The following UNC80 variants were observed in gnomAD, a reference collection of about 807,000 sequenced individuals.
UNC80 encodes protein unc-80 homolog.
Under a neutral mutation model 384.6 loss-of-function variants are expected in UNC80, and 164 were observed. The observed-to-expected ratio is 0.43, with a 90% CI of 0.38 to 0.49. The LOEUF (loss-of-function observed/expected upper bound fraction) is 0.49, where lower values mean the gene tolerates loss of function less well. Ranked by LOEUF, UNC80 falls within the 20% of genes least tolerant of loss-of-function variation. The pLI is 0.00. For synonymous variants in UNC80, 1,486 were observed against 1,527.8 expected (o/e 0.97, Z 0.64); for missense variants, 3,330 against 4,143.0 (o/e 0.80, Z 5.39).
intron 15 of UNC80, among the ~76,000 whole-genome samples, chr2:209,830,333 T>C (rs761468880): frequency 3.3e-5 from 5 of 152,184 alleles, no homozygotes; most frequent in Non-Finnish European, 5.9e-5. Context: ...CCAAACACAA[T>C]ATAAATTAAA....
chr2:209,937,526 C>T lies in UNC80; in HGVS notation c.6364-3C>T. On this transcript the variant is annotated splice_polypyrimidine_tract_variant and splice_region_variant and intron_variant, in intron 41 of 64. Transcript: ENST00000673920. ...TTTTTGTCTCTTTATGTAATCCACA[C>T]AGACCTATGTTCGAGATATTTATCC... 1 of 1,546,158 alleles carries T rather than the reference C, an allele frequency of 6.5e-7. No homozygotes were observed.
At chr2:209,789,408 A>G (rs1252504331) in intron 5 of UNC80, 124 bp from the exon 6 acceptor site, 1 of 672,066 alleles carries the variant, frequency 1.5e-6, no homozygotes, top group South Asian at 2.0e-5. Flanking sequence ...ATATGCGTTA[A>G]TGTCTTCTTT....
chr2:209,912,143 A>G (rs1209936082), intron 29 of UNC80, among the ~76,000 whole-genome samples: 2 of 152,180 alleles, frequency 1.3e-5, no homozygotes, highest in African/African-American at 2.4e-5. Flanking sequence ...TGAAGGGACT[A>G]TTGGATAGAG....
intron 7 of UNC80, among the ~76,000 whole-genome samples, chr2:209,801,860 A>T (rs2078583753): frequency 6.6e-6 from 1 of 152,108 alleles, no homozygotes; most frequent in African/African-American, 2.4e-5. Flanking sequence ...TAACCAAAAT[A>T]CTACTATCTT....
At chr2:209,842,491 C>G (rs974246873) in intron 21 of UNC80, 45 bp downstream of exon 21, 18 of 1,386,902 alleles carry the variant, frequency 1.3e-5, no homozygotes, top group Middle Eastern at 1.8e-4. Context: ...TTTTATCACA[C>G]AGAACAAAAA....
intron 13 of UNC80, among the ~76,000 whole-genome samples, chr2:209,825,586 T>G (rs2080454585): frequency 6.6e-6 from 1 of 152,198 alleles, no homozygotes; most frequent in Non-Finnish European, 1.5e-5. Context: ...TCATCACTGA[T>G]AGTCTGCACT....
At chr2:209,901,343 T>C (rs1167332850) in intron 28 of UNC80, among the ~76,000 whole-genome samples, 6 of 152,150 alleles carry the variant, frequency 3.9e-5, no homozygotes, top group African/African-American at 9.7e-5. Flanking sequence ...AATTTACTCT[T>C]CCTGAGCTCT....
chr2:209,972,329 G>T lies in UNC80; in HGVS notation c.8380+5G>T. ...CAGTAGGATCTGGAAGCAAAGGTCT[G>T]ATTAATTTAACTAAAGGAAATTTAT... On this transcript the variant is annotated splice_donor_5th_base_variant and intron_variant, in intron 55 of 64. Transcript: ENST00000673920. The T allele has an allele frequency of 6.5e-7, 1 of 1,549,206 alleles. No individual in the cohort carries two copies. The highest frequency in any genetic ancestry group is 1.2e-5 in the South Asian group (1 of 83,240).
intron 7 of UNC80, among the ~76,000 whole-genome samples, chr2:209,811,729 A>G (rs1464135019): frequency 6.6e-6 from 1 of 152,212 alleles, no homozygotes; most frequent in Non-Finnish European, 1.5e-5. Context: ...CAAAATATTC[A>G]AGAATATTAG....
intron 7 of UNC80, among the ~76,000 whole-genome samples, chr2:209,802,408 A>G (rs187311256): frequency 6.6e-6 from 1 of 152,340 alleles, no homozygotes; most frequent in East Asian, 1.9e-4. Context: ...ATCACATTGT[A>G]CTTCATAAAT....
chr2:209,931,611 G>T (rs1273182034), intron 38 of UNC80, among the ~76,000 whole-genome samples: 1 of 152,102 alleles, frequency 6.6e-6, no homozygotes, highest in Non-Finnish European at 1.5e-5. Flanking sequence ...CCTTGAAACT[G>T]CCCCTTAATC....
Position 209,827,124 on chromosome 2 carries a change from C to T in UNC80, c.2478+1071C>T, listed in dbSNP as rs544456651. Reference sequence around the variant, plus strand: ...AATTTTGAAACTTGAAACTTTTGACCAAGATCTAGATTTTGAGGCCAAAAT... The same window carrying T: ...AATTTTGAAACTTGAAACTTTTGACTAAGATCTAGATTTTGAGGCCAAAAT... On this transcript the variant is annotated intron_variant, in intron 14 of 64. Coordinates refer to ENST00000673920, the MANE Select transcript of UNC80 (RefSeq NM_001371986.1). Among the ~76,000 whole-genome samples, 19 of 151,816 alleles carry T rather than the reference C, an allele frequency of 1.3e-4. No individual in the cohort carries two copies. In the East Asian group the frequency reaches 3.3e-3, roughly 26 times the overall value.
rs2093469725 is a variant in UNC80, at chr2:209,995,475, C to CA, written c.9856dup (p.Thr3286AsnfsTer7). 6 of 1,551,868 alleles carry CA rather than the reference C, an allele frequency of 3.9e-6. No homozygotes were observed. The highest frequency in any genetic ancestry group is 1.4e-5 in the African/African-American group (1 of 73,174). On this transcript the variant is annotated frameshift_variant, in exon 65 of 65. Coordinates refer to ENST00000673920, the MANE Select transcript of UNC80 (RefSeq NM_001371986.1). LOFTEE classifies it high-confidence loss of function. ...CATCCAGCCTCCTACAGCATGGAGA[C>CA]ACTGTCCTTCATATCAGTGAGGAAA...
At chr2:209,935,594 T>G in intron 39 of UNC80, 120 bp from the exon 40 acceptor site, 1 of 418,590 alleles carries the variant, frequency 2.4e-6, no homozygotes, top group South Asian at 7.8e-5. Context: ...TAACTATGAA[T>G]TAAGAATTGT....
At chr2:209,982,652 G>T in intron 60 of UNC80, 1 of 173,538 alleles carries the variant, frequency 5.8e-6, no homozygotes, top group Non-Finnish European at 1.2e-5. Context: ...GCAAGAGTTT[G>T]GACCATCTTT....
intron 25 of UNC80, among the ~76,000 whole-genome samples, 158 bp downstream of exon 25, chr2:209,881,252 C>T (rs2085264484): frequency 6.6e-6 from 1 of 152,128 alleles, no homozygotes; most frequent in Non-Finnish European, 1.5e-5. Flanking sequence ...AAAAGAAATG[C>T]TCTTTTCCTC....
intron 7 of UNC80, among the ~76,000 whole-genome samples, chr2:209,803,375 T>C (rs950913944): frequency 6.6e-6 from 1 of 152,232 alleles, no homozygotes; most frequent in African/African-American, 2.4e-5. Flanking sequence ...GGTTTCATTT[T>C]ATTTGATGAC....
rs1394627404 is a variant in UNC80, at chr2:209,937,600, A to G, written c.6435A>G (p.Pro2145=). The change falls in exon 42 of 65, where the codon CCA becomes CCG. Residue 2145 remains proline (P), a synonymous_variant. Coordinates refer to ENST00000673920, the MANE Select transcript of UNC80 (RefSeq NM_001371986.1). The part of the protein sequence containing the change: ...SPQLNLVHMH[P]EKGQELIQKQ... ...AGCTGAATCTTGTACATATGCATCC[A>G]GAGAAGGGACAGGAGCTCATTCAGA... The G allele has an allele frequency of 1.3e-6, 2 of 1,551,968 alleles. No individual in the cohort carries two copies. The highest frequency in any genetic ancestry group is 1.7e-6 in the Non-Finnish European group (2 of 1,146,886).
At chr2:209,971,742 G>A (rs977195685) in intron 54 of UNC80, among the ~76,000 whole-genome samples, 1 of 152,220 alleles carries the variant, frequency 6.6e-6, no homozygotes, top group African/African-American at 2.4e-5. Context: ...TTAATAACTT[G>A]CGTACAAAGA....
Sources: allele counts gnomAD v4.1 joint callset (sites outside exome capture counted in the v4.1 genomes callset), GRCh38; gene constraint gnomAD v4.1.1; transcripts MANE v1.5; gene names NCBI Gene and HGNC (gene_info 2026-07-23, HGNC 2026-07-21).